The following RSRC1 variants were observed in gnomAD, a reference collection of about 807,000 sequenced individuals.
The protein encoded by RSRC1 is serine/Arginine-related protein 53.
RSRC1 carries 39 observed loss-of-function variants against 49.1 expected under a neutral mutation model. The observed-to-expected ratio is 0.79, with a 90% CI of 0.61 to 1.04. The LOEUF is 1.04. Among genes scored for constraint, RSRC1 ranks in the 50% least tolerant of loss-of-function variants. The pLI, the probability that RSRC1 is intolerant of heterozygous loss-of-function variation, is 0.00. For synonymous variants in RSRC1, 143 were observed against 130.8 expected (o/e 1.09, Z -0.63); for missense variants, 388 against 402.4 (o/e 0.96, Z 0.31).
chr3:158,364,333 G>T (rs576675306), intron 6 of RSRC1, among the ~76,000 whole-genome samples: 2 of 152,214 alleles, frequency 1.3e-5, no homozygotes, highest in East Asian at 3.9e-4. Flanking sequence ...TTTATTGTGA[G>T]AGAGCCTTTC....
chr3:158,402,884 A>G (rs1333682271), intron 6 of RSRC1, among the ~76,000 whole-genome samples: 3 of 151,884 alleles, frequency 2.0e-5, no homozygotes, highest in Non-Finnish European at 2.9e-5. Flanking sequence ...TTTTCTTTAA[A>G]GACTTCAGCT....
chr3:158,414,052 A>G (rs1734610164), intron 6 of RSRC1, among the ~76,000 whole-genome samples: 1 of 152,206 alleles, frequency 6.6e-6, no homozygotes, highest in Non-Finnish European at 1.5e-5. Context: ...ATTACTGGGT[A>G]TATACCCAAA....
chr3:158,514,875 CCTT>C (rs1375511157), intron 7 of RSRC1, among the ~76,000 whole-genome samples: 10 of 152,046 alleles, frequency 6.6e-5, no homozygotes, highest in Non-Finnish European at 1.2e-4. Context: ...TATGTAATGG[CCTT>C]CTTTGTCTCT....
intron 3 of RSRC1, among the ~76,000 whole-genome samples, chr3:158,189,805 C>G: frequency 6.6e-6 from 1 of 151,678 alleles, no homozygotes; most frequent in Non-Finnish European, 1.5e-5. Flanking sequence ...TCCATTTTTT[C>G]GTTTTTTCTG....
intron 1 of RSRC1, among the ~76,000 whole-genome samples, chr3:158,118,515 T>G (rs1715031023): frequency 6.6e-6 from 1 of 151,932 alleles, no homozygotes; most frequent in Non-Finnish European, 1.5e-5. Context: ...TTAAGCTATC[T>G]GTCCTATTCT....
chr3:158,476,463 G>A (rs571166001), intron 7 of RSRC1, among the ~76,000 whole-genome samples: 29 of 152,164 alleles, frequency 1.9e-4, no homozygotes, highest in African/African-American at 6.3e-4. Flanking sequence ...TCTTGTCAGG[G>A]GCTAATGCAG....
chr3:158,335,807 GT>G (rs201510374), intron 5 of RSRC1, among the ~76,000 whole-genome samples: 1 of 151,656 alleles, frequency 6.6e-6, no homozygotes, highest in Non-Finnish European at 1.5e-5. Context: ...TTGGTGTTTT[GT>G]TTTTTTTCCA....
intron 3 of RSRC1, among the ~76,000 whole-genome samples, chr3:158,153,121 C>T (rs1376295798): frequency 6.6e-6 from 1 of 152,136 alleles, no homozygotes; most frequent in Non-Finnish European, 1.5e-5. Flanking sequence ...CAACTTTCTC[C>T]CTATACCTTC....
chr3:158,323,639 A>G (rs1316053046), intron 5 of RSRC1, among the ~76,000 whole-genome samples: 1 of 152,188 alleles, frequency 6.6e-6, no homozygotes, highest in East Asian at 1.9e-4. Flanking sequence ...TTCAAGCTGT[A>G]CAGGAAGTAA....
At chr3:158,443,397 C>G (rs1736493926) in intron 6 of RSRC1, among the ~76,000 whole-genome samples, 1 of 152,054 alleles carries the variant, frequency 6.6e-6, no homozygotes, top group Non-Finnish European at 1.5e-5. Flanking sequence ...AGCATTGCTG[C>G]TTCACCTTGC....
chr3:158,426,539 A>G (rs1308706185), intron 6 of RSRC1, among the ~76,000 whole-genome samples: 1 of 151,714 alleles, frequency 6.6e-6, no homozygotes, highest in Non-Finnish European at 1.5e-5. Context: ...AAAGTCCAAC[A>G]CTACCAGATG....
At chr3:158,460,104 A>G (rs563388676) in intron 6 of RSRC1, among the ~76,000 whole-genome samples, 2 of 152,016 alleles carry the variant, frequency 1.3e-5, no homozygotes, top group East Asian at 3.9e-4. Context: ...GCACAGTTTG[A>G]TTCTTTTTCT....
chr3:158,176,416 A>G (rs910156531), intron 3 of RSRC1, among the ~76,000 whole-genome samples: 2 of 152,250 alleles, frequency 1.3e-5, no homozygotes, highest in Non-Finnish European at 2.9e-5. Flanking sequence ...ACAAGGCTAC[A>G]GTAACCAAAA....
At position 158,498,000 on chromosome 3, in the gene RSRC1, G is replaced by T. The variant is rs116146305; in HGVS notation, c.652+36997G>T. ...GGCATTTGAGTTGGTTTCACGATTT[G>T]CACTTATGAATTGTGCTGCTATAAA... On this transcript the variant is annotated intron_variant, in intron 7 of 9. Coordinates refer to ENST00000611884, the MANE Select transcript of RSRC1 (RefSeq NM_001271838.2). 7.6e-3 allele frequency among the ~76,000 whole-genome samples: 1,150 copies of T among 152,144 alleles called. 22 individuals are homozygous for T. Among genetic ancestry groups the T allele is most frequent in the African/African-American group, 0.027 (1,115 of 41,480 alleles).
At chr3:158,342,042 T>C (rs1730274309) in intron 5 of RSRC1, among the ~76,000 whole-genome samples, 1 of 152,224 alleles carries the variant, frequency 6.6e-6, no homozygotes, top group Non-Finnish European at 1.5e-5. Context: ...ACCCAATACC[T>C]GTACCCACAT....
chr3:158,460,177 T>C (rs1415112024), intron 6 of RSRC1, among the ~76,000 whole-genome samples: 1 of 151,966 alleles, frequency 6.6e-6, no homozygotes, highest in Non-Finnish European at 1.5e-5. Context: ...TAGAGACTTA[T>C]TTTCACTTAG....
chr3:158,152,355 C>T (rs1206189790), intron 3 of RSRC1, among the ~76,000 whole-genome samples: 1 of 152,140 alleles, frequency 6.6e-6, no homozygotes, highest in Non-Finnish European at 1.5e-5. Context: ...TCCCAAGAAA[C>T]TCTTCAGTCC....
At chr3:158,201,740 C>T (rs1186745191) in intron 3 of RSRC1, among the ~76,000 whole-genome samples, 3 of 152,138 alleles carry the variant, frequency 2.0e-5, no homozygotes, top group Non-Finnish European at 4.4e-5. Context: ...ACTTTATCTT[C>T]ATTATAAGCC....
intron 7 of RSRC1, among the ~76,000 whole-genome samples, chr3:158,488,652 A>T (rs928240285): frequency 6.6e-6 from 1 of 152,146 alleles, no homozygotes; most frequent in South Asian, 2.1e-4. Flanking sequence ...TTCCCTGATA[A>T]TTTTTTTAAT....
Sources: allele counts gnomAD v4.1 joint callset (sites outside exome capture counted in the v4.1 genomes callset), GRCh38; gene constraint gnomAD v4.1.1; transcripts MANE v1.5; gene names NCBI Gene and HGNC (gene_info 2026-07-23, HGNC 2026-07-21).